The following PCDHA4 variants were observed in gnomAD, a reference collection of about 807,000 sequenced individuals.
The protein encoded by PCDHA4 is protocadherin alpha 4.
Under a neutral mutation model 61.4 loss-of-function variants are expected in PCDHA4, and 49 were observed. That is an observed-to-expected ratio of 0.80 (90% CI 0.63 to 1.01). The LOEUF (loss-of-function observed/expected upper bound fraction) is 1.01, where lower values mean the gene tolerates loss of function less well. Among genes scored for constraint, PCDHA4 ranks in the 50% least tolerant of loss-of-function variants. PCDHA4 has a pLI of 0.00. For missense variants in PCDHA4, 1,254 were observed against 1,235.8 expected (o/e 1.01, Z -0.22); for synonymous variants, 590 against 550.3 (o/e 1.07, Z -1.01).
chr5:140,989,874 A>C (rs1328387054), intron 3 of PCDHA4, among the ~76,000 whole-genome samples: 1 of 152,098 alleles, frequency 6.6e-6, no homozygotes, highest in Admixed American at 6.6e-5. Context: ...TCTCTGCCTC[A>C]GCACTTGGAG....
intron 1 of PCDHA4, among the ~76,000 whole-genome samples, chr5:140,943,373 A>G (rs1554215633): frequency 6.6e-6 from 1 of 152,128 alleles, no homozygotes; most frequent in East Asian, 1.9e-4. Flanking sequence ...TCATTAAAAT[A>G]TACAGGTAAG....
intron 1 of PCDHA4, among the ~76,000 whole-genome samples, chr5:140,955,016 T>C (rs1389069329): frequency 6.6e-6 from 1 of 152,226 alleles, no homozygotes; most frequent in Admixed American, 6.5e-5. Context: ...CCCAGCACCA[T>C]TTATTAAATA....
At chr5:140,987,334 C>A (rs925665306) in intron 3 of PCDHA4, among the ~76,000 whole-genome samples, 1 of 152,086 alleles carries the variant, frequency 6.6e-6, no homozygotes, top group East Asian at 1.9e-4. Flanking sequence ...AAGAACTGGT[C>A]TAAGGTAAAT....
chr5:141,001,987 A>C (rs547998020), intron 3 of PCDHA4, among the ~76,000 whole-genome samples: 3 of 152,302 alleles, frequency 2.0e-5, no homozygotes, highest in African/African-American at 7.2e-5. Context: ...AAAGCCTGGA[A>C]GTTCACTTGC....
rs782329809 is a variant in PCDHA4 at position 140,857,982 on chromosome 5, G to A, written c.2385+48410G>A. 7 of 1,596,582 alleles carry A rather than the reference G, an allele frequency of 4.4e-6. 1 individual carries two copies. In the Admixed American group the frequency reaches 5.1e-5, roughly 12 times the overall value. ...GATGAGACTGACTCGCCACGCCAGC[G>A]CCTACTGGTGCTGGTGAAGGACCAT... On this transcript the variant is annotated intron_variant, in intron 1 of 3. Coordinates refer to ENST00000530339, the MANE Select transcript of PCDHA4 (RefSeq NM_018907.4).
rs368758287 is a variant in PCDHA4 at position 140,883,621 on chromosome 5, C to A, written c.2385+74049C>A. On this transcript the variant is annotated intron_variant, in intron 1 of 3. Transcript: ENST00000530339. ...TGGGGGTGGCCGACGTGAACGACAACGCGCCGGCGTTCGCGCAGCCCGAGT... is the reference window on the plus strand; with the variant it reads ...TGGGGGTGGCCGACGTGAACGACAAAGCGCCGGCGTTCGCGCAGCCCGAGT... 5 of 1,613,850 alleles carry A rather than the reference C, an allele frequency of 3.1e-6. No individual in the cohort carries two copies. In the African/African-American group the frequency reaches 4.0e-5, roughly 13 times the overall value.
chr5:140,992,558 G>A (rs567645353), intron 3 of PCDHA4, among the ~76,000 whole-genome samples: 27 of 152,256 alleles, frequency 1.8e-4, no homozygotes, highest in African/African-American at 5.8e-4. Context: ...CCAGGAGATG[G>A]GGCAACACAT....
At position 140,809,589 on chromosome 5, in the gene PCDHA4, C is replaced by A. The variant is rs782233808; in HGVS notation, c.2385+17C>A. 6.5e-7 allele frequency: 1 copy of A among 1,540,572 alleles called. No individual in the cohort carries two copies. Among genetic ancestry groups the A allele is most frequent in the South Asian group, 1.2e-5 (1 of 81,262 alleles). On this transcript the variant is annotated intron_variant, in intron 1 of 3. Coordinates refer to ENST00000530339, the MANE Select transcript of PCDHA4 (RefSeq NM_018907.4). ...TTTGCAAAGGTTAGTGTATAACATC[C>A]TTTTGTTTAATTTTCGTATTGTTTT... is the stretch of plus-strand genomic sequence containing the variant.
intron 1 of PCDHA4, among the ~76,000 whole-genome samples, chr5:140,972,711 T>A (rs2096551404): frequency 6.7e-6 from 1 of 148,680 alleles, no homozygotes; most frequent in Non-Finnish European, 1.5e-5. Context: ...GTTGCCAGGC[T>A]GGAGTGCAGT....
chr5:140,944,316 T>G (rs140163712), intron 1 of PCDHA4, among the ~76,000 whole-genome samples: 1 of 151,958 alleles, frequency 6.6e-6, no homozygotes, highest in Non-Finnish European at 1.5e-5. Context: ...GCCTCCTGAG[T>G]AGCTGGGATT....
chr5:140,993,528 A>T lies in PCDHA4; in HGVS notation c.2533+10965A>T, dbSNP rs78672098. On this transcript the variant is annotated intron_variant, in intron 3 of 3. Transcript: ENST00000530339. ...CACACACGGGGAGAGAGAGACAGAG[A>T]GAGAGAGAGATAGAGAAGTGAAGTA... Among the ~76,000 whole-genome samples the T allele has an allele frequency of 6.6e-5, 10 of 152,092 alleles. No individual in the cohort carries two copies. In the East Asian group the frequency reaches 1.2e-3, roughly 18 times the overall value.
chr5:140,853,659 A>T (rs1216918086), intron 1 of PCDHA4: 1 of 988,622 alleles, frequency 1.0e-6, no homozygotes, highest in African/African-American at 1.8e-5. Context: ...TGTTCCAGAC[A>T]AATTGGGGCC....
At chr5:140,917,875 T>TC (rs1459321723) in intron 1 of PCDHA4, among the ~76,000 whole-genome samples, 11 of 152,026 alleles carry the variant, frequency 7.2e-5, no homozygotes, top group Non-Finnish European at 7.4e-5. Context: ...CTATTTGGGC[T>TC]CTTTTTTTTT....
intron 3 of PCDHA4, among the ~76,000 whole-genome samples, chr5:140,989,362 G>A (rs1264795948): frequency 6.6e-6 from 1 of 152,176 alleles, no homozygotes; most frequent in African/African-American, 2.4e-5. Context: ...GGTCACCTGT[G>A]TGACTGAGAG....
At chr5:140,895,351 T>C (rs1367078085) in intron 1 of PCDHA4, among the ~76,000 whole-genome samples, 2 of 152,180 alleles carry the variant, frequency 1.3e-5, no homozygotes, top group Admixed American at 1.3e-4. Context: ...TGCTTTCCAG[T>C]GAGTACTTAT....
At chr5:140,809,730 G>C in intron 1 of PCDHA4, 158 bp downstream of exon 1, 1 of 776,104 alleles carries the variant, frequency 1.3e-6, no homozygotes, top group Non-Finnish European at 2.0e-6. Context: ...TAGGACATCA[G>C]AGCAATATAT....
At chr5:140,835,036 G>A (rs1554134704) in intron 1 of PCDHA4, 16 of 1,285,586 alleles carry the variant, frequency 1.2e-5, no homozygotes, top group Non-Finnish European at 6.3e-6. Context: ...ACCGATGGAG[G>A]CAAACCCGAG....
chr5:140,852,816 A>C, intron 1 of PCDHA4: 2 of 972,756 alleles, frequency 2.1e-6, no homozygotes, highest in Non-Finnish European at 1.2e-6. Flanking sequence ...CTCCCGCCCT[A>C]AGTCCTCCAG....
Position 140,808,438 on chromosome 5 carries a change from C to G in PCDHA4, c.1251C>G (p.Ser417Arg). Residue 417 changes from serine to arginine, a missense_variant, in exon 1 of 4, where the codon AGC (serine) becomes AGG (arginine). Physicochemically the swap from Ser to Arg is moderately radical, Grantham distance 110 (BLOSUM62 -1). Coordinates refer to ENST00000530339, the MANE Select transcript of PCDHA4 (RefSeq NM_018907.4). ...LVLDSALDRE[S>R]VSAYELVVTA... The stretch of plus-strand genomic sequence containing the variant: ...TGGACAGTGCCCTGGACCGCGAGAG[C>G]GTGTCAGCCTATGAGCTGGTGGTGA... 2 of 1,614,150 alleles carry G rather than the reference C, an allele frequency of 1.2e-6. No homozygotes were observed. Among genetic ancestry groups the G allele is most frequent in the Non-Finnish European group, 1.7e-6 (2 of 1,180,050 alleles).
Sources: gnomAD v4.1 joint callset for allele counts (sites outside exome capture counted in the v4.1 genomes callset) on GRCh38, gnomAD v4.1.1 for gene constraint, MANE v1.5 for transcripts, NCBI Gene and HGNC (gene_info 2026-07-23, HGNC 2026-07-21) for gene names.